The following TBL1XR1 variants were observed in gnomAD, a reference collection of about 807,000 sequenced individuals.
The protein encoded by TBL1XR1 is F-box-like/WD repeat-containing protein TBL1XR1.
Under a neutral mutation model 66.9 loss-of-function variants are expected in TBL1XR1, and 5 were observed. That is an observed-to-expected ratio of 0.07 (90% CI 0.04 to 0.16). The LOEUF is 0.16. TBL1XR1 is among the 10% of genes least tolerant of loss of function. The pLI, the probability that TBL1XR1 is intolerant of heterozygous loss-of-function variation, is 1.00. For missense variants in TBL1XR1, 238 were observed against 623.2 expected (o/e 0.38, Z 6.58); for synonymous variants, 210 against 206.0 (o/e 1.02, Z -0.17).
chr3:177,164,578 A>C (rs1732599833), intron 1 of TBL1XR1, among the ~76,000 whole-genome samples: 1 of 152,060 alleles, frequency 6.6e-6, no homozygotes, highest in Admixed American at 6.6e-5. Flanking sequence ...TCAAACTCCT[A>C]ACCTCATGAT....
At chr3:177,074,023 A>T (rs1212219610) in intron 2 of TBL1XR1, among the ~76,000 whole-genome samples, 2 of 152,184 alleles carry the variant, frequency 1.3e-5, no homozygotes, top group African/African-American at 4.8e-5. Flanking sequence ...ACAGCAACAA[A>T]GAATGCAGGT....
intron 3 of TBL1XR1, among the ~76,000 whole-genome samples, chr3:177,058,858 T>C (rs942070533): frequency 1.2e-4 from 18 of 152,144 alleles, no homozygotes; most frequent in Non-Finnish European, 2.9e-5. Context: ...GAATGTGTAA[T>C]ACGAATTTCC....
chr3:177,053,955 C>T (rs375980907), intron 3 of TBL1XR1, 37 bp from the exon 4 acceptor site: 1 of 1,575,804 alleles, frequency 6.3e-7, no homozygotes, highest in African/African-American at 1.4e-5. Context: ...ATTTATTTTC[C>T]TAGTGGCAAC....
chr3:177,169,828 CACTT>C (rs1396516546), intron 1 of TBL1XR1, among the ~76,000 whole-genome samples: 1 of 152,160 alleles, frequency 6.6e-6, no homozygotes, highest in Non-Finnish European at 1.5e-5. Context: ...CCACAATGAC[CACTT>C]ACTTAAATCC....
intron 1 of TBL1XR1, among the ~76,000 whole-genome samples, chr3:177,130,036 T>C (rs905881028): frequency 2.7e-5 from 4 of 150,280 alleles, no homozygotes; most frequent in Non-Finnish European, 5.9e-5. Flanking sequence ...TCCAAGCTAC[T>C]CAGGAGATGG....
chr3:177,077,843 C>T (rs1330842608), intron 2 of TBL1XR1, among the ~76,000 whole-genome samples: 1 of 152,212 alleles, frequency 6.6e-6, no homozygotes. Context: ...AGTTTTATTG[C>T]TCTTCTCAAA....
At chr3:177,189,283 C>T (rs1257235663) in intron 1 of TBL1XR1, among the ~76,000 whole-genome samples, 2 of 137,682 alleles carry the variant, frequency 1.5e-5, no homozygotes, top group Admixed American at 7.4e-5. Flanking sequence ...TCTGGGAAGC[C>T]GAGGTGGGCA....
At chr3:177,189,147 G>A (rs370356364) in intron 1 of TBL1XR1, among the ~76,000 whole-genome samples, 1 of 152,018 alleles carries the variant, frequency 6.6e-6, no homozygotes, top group Non-Finnish European at 1.5e-5. Flanking sequence ...GGTGGAGATT[G>A]CAGTGAGCCA....
At chr3:177,043,931 T>C (rs1266361778) in intron 10 of TBL1XR1, among the ~76,000 whole-genome samples, 1 of 152,164 alleles carries the variant, frequency 6.6e-6, no homozygotes, top group East Asian at 1.9e-4. Context: ...ATGGGCTAAA[T>C]AATCTTATTT....
chr3:177,100,571 C>A (rs1053981957), intron 1 of TBL1XR1, among the ~76,000 whole-genome samples: 1 of 151,962 alleles, frequency 6.6e-6, no homozygotes, highest in Non-Finnish European at 1.5e-5. Flanking sequence ...ACTACAGGTA[C>A]AAGCCACCAC....
At chr3:177,180,207 A>G (rs1435596436) in intron 1 of TBL1XR1, among the ~76,000 whole-genome samples, 2 of 138,546 alleles carry the variant, frequency 1.4e-5, no homozygotes, top group African/African-American at 5.4e-5. Flanking sequence ...ACTGCACTCC[A>G]GCCTGGTGAC....
intron 1 of TBL1XR1, among the ~76,000 whole-genome samples, chr3:177,131,754 G>A (rs1728319678): frequency 6.6e-6 from 1 of 151,688 alleles, no homozygotes; most frequent in South Asian, 2.1e-4. Flanking sequence ...CACTCTCCTT[G>A]GTCTCCCAAA....
intron 1 of TBL1XR1, among the ~76,000 whole-genome samples, chr3:177,175,786 C>T (rs1734076096): frequency 6.6e-6 from 1 of 152,090 alleles, no homozygotes; most frequent in Non-Finnish European, 1.5e-5. Context: ...AGGCCAGGCG[C>T]GGTGGCTCAT....
upstream of TBL1XR1, among the ~76,000 whole-genome samples, chr3:177,201,138 T>C (rs2109036371): frequency 6.6e-6 from 1 of 151,408 alleles, no homozygotes; most frequent in African/African-American, 2.4e-5. Flanking sequence ...TTTTGCCGGG[T>C]GCAGTGGCTC....
chr3:177,082,375 A>T (rs1403028189), intron 2 of TBL1XR1, among the ~76,000 whole-genome samples: 1 of 152,062 alleles, frequency 6.6e-6, no homozygotes, highest in Non-Finnish European at 1.5e-5. Context: ...TCAAAAAAAA[A>T]TACCAGAGAG....
At chr3:177,040,390 A>T (rs1455276052) in intron 10 of TBL1XR1, among the ~76,000 whole-genome samples, 1 of 152,224 alleles carries the variant, frequency 6.6e-6, no homozygotes, top group Non-Finnish European at 1.5e-5. Flanking sequence ...AAAGGAGATT[A>T]GAGACGTCTG....
intron 1 of TBL1XR1, among the ~76,000 whole-genome samples, chr3:177,175,522 A>G (rs1482524751): frequency 6.6e-6 from 1 of 152,234 alleles, no homozygotes; most frequent in African/African-American, 2.4e-5. Context: ...AAACCAGTGC[A>G]GGCAGAGATC....
intron 14 of TBL1XR1, among the ~76,000 whole-genome samples, chr3:177,030,225 T>C (rs969573248): frequency 1.3e-5 from 2 of 152,010 alleles, no homozygotes; most frequent in Admixed American, 6.6e-5. Flanking sequence ...GTTCCAGCAA[T>C]GTTGTACATT....
At chr3:177,052,147 A>T (rs1178798400) in intron 4 of TBL1XR1, among the ~76,000 whole-genome samples, 1 of 152,246 alleles carries the variant, frequency 6.6e-6, no homozygotes, top group African/African-American at 2.4e-5. Flanking sequence ...AAAAACTTTG[A>T]GCTGAAGAGT....
Sources: gnomAD v4.1 joint callset for allele counts (sites outside exome capture counted in the v4.1 genomes callset) on GRCh38, gnomAD v4.1.1 for gene constraint, MANE v1.5 for transcripts, NCBI Gene and HGNC (gene_info 2026-07-23, HGNC 2026-07-21) for gene names.